Variants in WLS observed in about 807,000 individuals in gnomAD.
WLS encodes the protein protein wntless homolog.
In WLS, 23 loss-of-function variants were observed where a neutral mutation model predicts 62.8. That is an observed-to-expected ratio of 0.37 (90% CI 0.26 to 0.52). The LOEUF is 0.52. Ranked by LOEUF, WLS falls within the 20% of genes least tolerant of loss-of-function variation. The probability of loss-of-function intolerance (pLI) is 0.92; values close to 1 mark genes in which losing one functional copy is unlikely to be tolerated. For missense variants in WLS, 615 were observed against 697.3 expected (o/e 0.88, Z 1.33); for synonymous variants, 246 against 244.1 (o/e 1.01, Z -0.07).
At chr1:68,187,198 A>T (rs1648011849) in intron 2 of WLS, among the ~76,000 whole-genome samples, 1 of 150,620 alleles carries the variant, frequency 6.6e-6, no homozygotes, top group African/African-American at 2.4e-5. Flanking sequence ...CCAAAAAAAA[A>T]AAAAAAAAAA....
intron 1 of WLS, among the ~76,000 whole-genome samples, chr1:68,221,277 C>T (rs1365005333): frequency 6.6e-6 from 1 of 152,132 alleles, no homozygotes; most frequent in African/African-American, 2.4e-5. Context: ...TAGCTGAGGT[C>T]CCACAGTTGC....
At chr1:68,220,169 C>T (rs944752147) in intron 1 of WLS, among the ~76,000 whole-genome samples, 24 of 152,134 alleles carry the variant, frequency 1.6e-4, no homozygotes, top group African/African-American at 5.8e-4. Flanking sequence ...GAATGACCTG[C>T]TTATTGGACT....
rs75503539 is a variant in WLS, at chr1:68,161,856, T to C, written c.380-2609A>G. The C allele has an allele frequency of 5.0e-6, 8 of 1,607,082 alleles. No homozygotes were observed. The African/African-American group carries it at 6.7e-5, about 13-fold the overall frequency. ...CCACTGTTGGGAGGTTGTGAGTCAC[T>C]GGGATGCCTCCAGGGATGATCCCTT... On this transcript the variant is annotated intron_variant, in intron 2 of 11. Coordinates refer to ENST00000262348, the MANE Select transcript of WLS (RefSeq NM_024911.7).
At chr1:68,213,135 T>G (rs2100648880) in intron 1 of WLS, among the ~76,000 whole-genome samples, 1 of 152,228 alleles carries the variant, frequency 6.6e-6, no homozygotes, top group Admixed American at 6.5e-5. Context: ...GGGAAAGCAT[T>G]ACCAGGTCCA....
chr1:68,208,117 A>G (rs1394454167), intron 1 of WLS, among the ~76,000 whole-genome samples: 1 of 152,258 alleles, frequency 6.6e-6, no homozygotes, highest in Non-Finnish European at 1.5e-5. Flanking sequence ...ACCCTGAGAA[A>G]TATCCCAGGC....
Position 68,145,978 on chromosome 1 carries a change from C to T in WLS, c.1169G>A (p.Cys390Tyr), listed in dbSNP as rs762882816. ...AFIIVAGICLCLYFLFLCFMV... is the reference protein window; with the variant it reads ...AFIIVAGICLYLYFLFLCFMV... ...GAAGCATAGAAACAGGAAGTAGAGGCAGAGGCAGATTCCAGCCACGATGAT... is the reference window on the plus strand; with the variant it reads ...GAAGCATAGAAACAGGAAGTAGAGGTAGAGGCAGATTCCAGCCACGATGAT... The change falls in exon 9 of 12, where the codon TGC becomes TAC. Residue 390 changes from cysteine to tyrosine, a missense_variant. Transcript: ENST00000262348. 3 of 1,613,996 alleles carry T rather than the reference C, an allele frequency of 1.9e-6. No homozygotes were observed. Among genetic ancestry groups the T allele is most frequent in the African/African-American group, 2.7e-5 (2 of 74,894 alleles).
chr1:68,138,055 G>A (rs1646636364), intron 10 of WLS, 122 bp from the exon 11 acceptor site: 1 of 1,101,012 alleles, frequency 9.1e-7, no homozygotes, highest in Non-Finnish European at 1.3e-6. Context: ...AACATGAAGG[G>A]CCATGTAAGA....
intron 4 of WLS, among the ~76,000 whole-genome samples, chr1:68,154,356 C>T (rs1165585425): frequency 6.6e-6 from 1 of 152,006 alleles, no homozygotes; most frequent in Non-Finnish European, 1.5e-5. Context: ...TTGCAGATAT[C>T]CTAGATGGTC....
At chr1:68,131,986 GCTT>G (rs1646533132) in intron 11 of WLS, among the ~76,000 whole-genome samples, 1 of 152,212 alleles carries the variant, frequency 6.6e-6, no homozygotes, top group African/African-American at 2.4e-5. Context: ...GAGAAAACAA[GCTT>G]CTGTTGTTTA....
chr1:68,171,750 T>C (rs536124567), intron 2 of WLS, among the ~76,000 whole-genome samples: 1 of 152,316 alleles, frequency 6.6e-6, no homozygotes, highest in Non-Finnish European at 1.5e-5. Context: ...TGGAAGACAG[T>C]GTGGCGATTC....
intron 11 of WLS, chr1:68,100,691 A>G (rs993952155): frequency 6.6e-6 from 1 of 152,174 alleles, no homozygotes; most frequent in African/African-American, 2.4e-5. Context: ...CTGTAATGTC[A>G]AAACAGAGAT....
At chr1:68,216,846 A>G (rs531823154) in intron 1 of WLS, among the ~76,000 whole-genome samples, 2 of 152,366 alleles carry the variant, frequency 1.3e-5, no homozygotes, top group Admixed American at 6.5e-5. Flanking sequence ...CAGAATTAGT[A>G]TACAGGGGTC....
chr1:68,101,824 G>T (rs553218462), intron 11 of WLS, among the ~76,000 whole-genome samples: 7 of 152,152 alleles, frequency 4.6e-5, no homozygotes, highest in Non-Finnish European at 8.8e-5. Flanking sequence ...CCTTTAACAA[G>T]GAAAATGATA....
chr1:68,143,457 T>A (rs1036401716), intron 10 of WLS, among the ~76,000 whole-genome samples: 2 of 152,356 alleles, frequency 1.3e-5, no homozygotes, highest in Non-Finnish European at 2.9e-5. Flanking sequence ...GCCACAATGA[T>A]GGTTCAGTCA....
rs142453595 is a variant in WLS at position 68,189,403 on chromosome 1, A to G, written c.379+4552T>C. ...TTCTGTCCTTAAAATTGTGAACAGTATATTTTTTCTTTCATTATTAATTAT... is the reference window on the plus strand; with the variant it reads ...TTCTGTCCTTAAAATTGTGAACAGTGTATTTTTTCTTTCATTATTAATTAT... On this transcript the variant is annotated intron_variant, in intron 2 of 11. Coordinates refer to ENST00000262348, the MANE Select transcript of WLS (RefSeq NM_024911.7). 8.1e-3 allele frequency among the ~76,000 whole-genome samples: 1,227 copies of G among 152,320 alleles called. 6 individuals are homozygous for G. Among genetic ancestry groups the G allele is most frequent in the Non-Finnish European group, 0.012 (787 of 68,012 alleles).
At chr1:68,133,266 C>A (rs1465916035) in intron 11 of WLS, among the ~76,000 whole-genome samples, 1 of 152,108 alleles carries the variant, frequency 6.6e-6, no homozygotes, top group East Asian at 1.9e-4. Flanking sequence ...ACATTCACTG[C>A]CGCTATGGTC....
intron 2 of WLS, among the ~76,000 whole-genome samples, chr1:68,164,615 C>T (rs1315186000): frequency 6.6e-6 from 1 of 152,068 alleles, no homozygotes; most frequent in African/African-American, 2.4e-5. Flanking sequence ...GCAGCCACAG[C>T]CTACACTCCT....
intron 2 of WLS, among the ~76,000 whole-genome samples, chr1:68,191,329 T>C (rs1278948292): frequency 6.6e-6 from 1 of 152,092 alleles, no homozygotes; most frequent in Non-Finnish European, 1.5e-5. Context: ...CATCCTCCCA[T>C]GGCTCTTCTT....
In WLS at chr1:68,178,722, AAAG is replaced by A. The variant is rs572665923; in HGVS notation, c.379+15230_379+15232del. 3.3e-3 allele frequency among the ~76,000 whole-genome samples: 507 copies of A among 152,070 alleles called. 4 individuals carry two copies. Among genetic ancestry groups the A allele is most frequent in the Middle Eastern group, 0.024 (7 of 294 alleles). On this transcript the variant is annotated intron_variant, in intron 2 of 11. Coordinates refer to ENST00000262348, the MANE Select transcript of WLS (RefSeq NM_024911.7). ...CTACATTTCAAAAAAAAAAAAAAGA[AAAG>A]AAAAGAGAAAACTAAACAAAAGAGG...
Sources: gnomAD v4.1 joint callset for allele counts (sites outside exome capture counted in the v4.1 genomes callset) on GRCh38, gnomAD v4.1.1 for gene constraint, MANE v1.5 for transcripts, NCBI Gene and HGNC (gene_info 2026-07-23, HGNC 2026-07-21) for gene names.